PHKB: variants seen among roughly 807,000 people sequenced by gnomAD.
The protein encoded by PHKB is phosphorylase kinase regulatory subunit beta, also known as phosphorylase b kinase regulatory subunit beta.
Under a neutral mutation model 152.1 loss-of-function variants are expected in PHKB, and 122 were observed. The ratio of observed to expected loss-of-function variants is 0.80; its 90% CI spans 0.69 to 0.93. The LOEUF is 0.93. PHKB is among the 40% of genes least tolerant of loss of function. The probability of loss-of-function intolerance (pLI) is 0.00; values close to 1 mark genes in which losing one functional copy is unlikely to be tolerated. For missense variants in PHKB, 1,304 were observed against 1,328.4 expected (o/e 0.98, Z 0.29); for synonymous variants, 436 against 464.9 (o/e 0.94, Z 0.80).
In PHKB at chr16:47,499,841, C is replaced by A. The variant is rs370625006; in HGVS notation, c.252C>A (p.Ile84=). The A allele has an allele frequency of 3.1e-6, 5 of 1,614,170 alleles. No homozygotes were observed. The highest frequency in any genetic ancestry group is 4.2e-6 in the Non-Finnish European group (5 of 1,180,020). The change falls in exon 3 of 31, where the codon ATC becomes ATA. Residue 84 remains isoleucine, a synonymous_variant. Coordinates refer to ENST00000323584, the MANE Select transcript of PHKB (RefSeq NM_000293.3). ...KTCGGDQKAK[I]QDSLYCAAGA... ...GCGGTGGTGACCAGAAGGCCAAGAT[C>A]CAGGACAGCCTATACTGCGCTGCTG...
At chr16:47,555,761 C>T (rs539015490) in intron 7 of PHKB, among the ~76,000 whole-genome samples, 2 of 152,224 alleles carry the variant, frequency 1.3e-5, no homozygotes, top group African/African-American at 2.4e-5. Flanking sequence ...GATGTGGGCT[C>T]GTTTTTGGTT....
chr16:47,629,327 GA>G (rs1972776676), intron 14 of PHKB, among the ~76,000 whole-genome samples: 1 of 151,674 alleles, frequency 6.6e-6, no homozygotes, highest in African/African-American at 2.4e-5. Context: ...AAATTGACAA[GA>G]AAAAAACAAA....
intron 4 of PHKB, among the ~76,000 whole-genome samples, 156 bp downstream of exon 4, chr16:47,503,246 G>C (rs570144309): frequency 6.6e-6 from 1 of 152,182 alleles, no homozygotes; most frequent in Non-Finnish European, 1.5e-5. Flanking sequence ...TGCCATTCTA[G>C]CCCAGGGTTT....
intron 13 of PHKB, among the ~76,000 whole-genome samples, chr16:47,605,905 G>T (rs1408646569): frequency 6.6e-6 from 1 of 152,168 alleles, no homozygotes; most frequent in Non-Finnish European, 1.5e-5. Context: ...CAGACTCTGG[G>T]AGTCGACTGA....
intron 1 of PHKB, among the ~76,000 whole-genome samples, chr16:47,470,820 C>T (rs981384269): frequency 6.6e-6 from 1 of 152,016 alleles, no homozygotes; most frequent in Non-Finnish European, 1.5e-5. Flanking sequence ...TTTATTGGAC[C>T]TCTCTGATGT....
At chr16:47,489,726 G>T (rs1020837931) in intron 1 of PHKB, among the ~76,000 whole-genome samples, 1 of 152,198 alleles carries the variant, frequency 6.6e-6, no homozygotes, top group Non-Finnish European at 1.5e-5. Flanking sequence ...ATGGTATGAG[G>T]CCAGTTTTTA....
chr16:47,498,693 G>A (rs1257158780), intron 2 of PHKB, among the ~76,000 whole-genome samples: 1 of 152,144 alleles, frequency 6.6e-6, no homozygotes, highest in East Asian at 1.9e-4. Context: ...TTGAACCCAA[G>A]AGTTCGAGAC....
chr16:47,481,166 A>G (rs1327396308), intron 1 of PHKB, among the ~76,000 whole-genome samples: 2 of 152,126 alleles, frequency 1.3e-5, no homozygotes, highest in African/African-American at 2.4e-5. Context: ...TTAGTTAGGC[A>G]TGACGGTTGT....
intron 14 of PHKB, among the ~76,000 whole-genome samples, chr16:47,621,182 T>C (rs1259574080): frequency 6.6e-6 from 1 of 152,186 alleles, no homozygotes; most frequent in East Asian, 1.9e-4. Flanking sequence ...AGCGCTTCTG[T>C]TGCTGGCTTC....
intron 6 of PHKB, among the ~76,000 whole-genome samples, chr16:47,545,997 T>C (rs1394339415): frequency 2.0e-5 from 3 of 152,196 alleles, no homozygotes; most frequent in African/African-American, 7.2e-5. Context: ...TCATATAATC[T>C]TTTTTCAAAG....
chr16:47,508,831 T>C (rs1334219305), intron 4 of PHKB, among the ~76,000 whole-genome samples: 1 of 152,218 alleles, frequency 6.6e-6, no homozygotes, highest in Non-Finnish European at 1.5e-5. Flanking sequence ...ACATACAGCA[T>C]GCCCCATTAA....
rs560155470 is a variant in PHKB, at chr16:47,701,025, A to G, written c.*1659A>G. On this transcript the variant is annotated 3_prime_UTR_variant, in exon 31 of 31. Coordinates refer to ENST00000323584, the MANE Select transcript of PHKB (RefSeq NM_000293.3). Reference sequence around the variant, plus strand: ...AAGGAGGGGGATTGACAAAGAATAGAATTAAACTACTTGACTCAATATGTT... The same window carrying G: ...AAGGAGGGGGATTGACAAAGAATAGGATTAAACTACTTGACTCAATATGTT... The G allele has an allele frequency of 3.3e-5, 5 of 152,224 alleles. No homozygotes were observed. Among genetic ancestry groups the G allele is most frequent in the Non-Finnish European group, 7.3e-5 (5 of 68,038 alleles). The allele number at this position is 152,224 out of a possible 1,614,324, so 9.4% of individuals were successfully genotyped here. A position where few individuals can be genotyped will look rare whatever the true frequency, so the allele number is the denominator to read the frequency against.
intron 7 of PHKB, chr16:47,565,045 G>A (rs1027728766): frequency 1.4e-5 from 6 of 421,686 alleles, no homozygotes; most frequent in Admixed American, 2.8e-5. Context: ...GTTCCAGGGT[G>A]CAGAGAAAGT....
At chr16:47,507,921 T>C (rs2151647635) in intron 4 of PHKB, among the ~76,000 whole-genome samples, 1 of 152,316 alleles carries the variant, frequency 6.6e-6, no homozygotes, top group Admixed American at 6.5e-5. Flanking sequence ...AGAGGAAATA[T>C]AAACATATCT....
At chr16:47,599,591 A>C (rs903419016) in intron 13 of PHKB, among the ~76,000 whole-genome samples, 16 of 152,244 alleles carry the variant, frequency 1.1e-4, no homozygotes, top group Non-Finnish European at 2.4e-4. Context: ...GAGTGAACAG[A>C]AGTAGTACAG....
At chr16:47,617,359 CA>C (rs2151712787) in intron 14 of PHKB, among the ~76,000 whole-genome samples, 1 of 151,450 alleles carries the variant, frequency 6.6e-6, no homozygotes, top group Non-Finnish European at 1.5e-5. Context: ...TACAATGTAT[CA>C]TTGTAGCTAT....
intron 6 of PHKB, among the ~76,000 whole-genome samples, chr16:47,531,155 G>A (rs950673179): frequency 1.3e-5 from 2 of 152,136 alleles, no homozygotes; most frequent in Non-Finnish European, 2.9e-5. Flanking sequence ...ACCCCCTCCC[G>A]ACACACACAT....
At chr16:47,696,789 G>C (rs2142110905) in intron 29 of PHKB, among the ~76,000 whole-genome samples, 1 of 152,240 alleles carries the variant, frequency 6.6e-6, no homozygotes, top group African/African-American at 2.4e-5. Context: ...AGCATCAAGT[G>C]TATCAGCCAC....
chr16:47,680,935 C>T (rs1246185532), intron 26 of PHKB, among the ~76,000 whole-genome samples: 1 of 152,132 alleles, frequency 6.6e-6, no homozygotes, highest in East Asian at 1.9e-4. Flanking sequence ...GTGCACCCTG[C>T]TTTGAATGTG....
Sources: allele counts gnomAD v4.1 joint callset (sites outside exome capture counted in the v4.1 genomes callset), GRCh38; gene constraint gnomAD v4.1.1; transcripts MANE v1.5; gene names NCBI Gene and HGNC (gene_info 2026-07-23, HGNC 2026-07-21).